FARP2: variants seen among roughly 807,000 people sequenced by gnomAD.
FARP2 encodes FERM, ARHGEF and pleckstrin domain-containing protein 2.
Under a neutral mutation model 130.5 loss-of-function variants are expected in FARP2, and 111 were observed. The ratio of observed to expected loss-of-function variants is 0.85; its 90% CI spans 0.73 to 1.00. The LOEUF (loss-of-function observed/expected upper bound fraction) is 1.00, where lower values mean the gene tolerates loss of function less well. FARP2 is among the 50% of genes least tolerant of loss of function. The pLI, the probability that FARP2 is intolerant of heterozygous loss-of-function variation, is 0.00. For missense variants in FARP2, 1,385 were observed against 1,346.3 expected (o/e 1.03, Z -0.45); for synonymous variants, 504 against 516.9 (o/e 0.98, Z 0.34).
chr2:241,367,368 G>A (rs940898394), intron 1 of FARP2, among the ~76,000 whole-genome samples: 1 of 152,146 alleles, frequency 6.6e-6, no homozygotes, highest in African/African-American at 2.4e-5. Context: ...TACAGTACAG[G>A]TCTTGACATT....
chr2:241,475,905 T>C lies in FARP2; in HGVS notation c.2180T>C (p.Leu727Pro), dbSNP rs745814115. 6.2e-7 allele frequency: 1 copy of C among 1,614,052 alleles called. No individual in the cohort carries two copies. The highest frequency in any genetic ancestry group is 2.2e-5 in the East Asian group (1 of 44,876). The change falls in exon 19 of 27, where the codon CTC (leucine) becomes CCC (proline). Residue 727 changes from leucine to proline, a missense_variant. Physicochemically the swap from Leu to Pro is moderately conservative, Grantham distance 98. Transcript: ENST00000264042. This position sits in a 1 kb window ranked among gnomAD's most constrained non-coding sequence, Gnocchi z 4.4. ...TEVTTTLQHI[L>P]IRLENLQKLT... is the part of the protein sequence containing the mutation. ...GTGACCACCACACTACAGCACATTC[T>C]CATCCGGCTGGAGAACCTGCAGAAG...
intron 24 of FARP2, among the ~76,000 whole-genome samples, chr2:241,492,436 G>A (rs1458328943): frequency 1.3e-5 from 2 of 152,188 alleles, no homozygotes; most frequent in East Asian, 1.9e-4. Flanking sequence ...CACCCTGAAG[G>A]CGGGAGGCTC....
At chr2:241,457,776 G>A (rs540682612) in intron 14 of FARP2, among the ~76,000 whole-genome samples, 4 of 151,532 alleles carry the variant, frequency 2.6e-5, no homozygotes, top group South Asian at 4.2e-4. Context: ...GGGTGCTAAG[G>A]GAGGGTGCAC....
chr2:241,437,232 C>G (rs1311752175), intron 12 of FARP2, among the ~76,000 whole-genome samples: 4 of 152,198 alleles, frequency 2.6e-5, no homozygotes, highest in Admixed American at 6.5e-5. Flanking sequence ...ATCTCTATGT[C>G]TTTGGCATGA....
At position 241,403,900 on chromosome 2, in the gene FARP2, G is replaced by A. The variant is rs754074961; in HGVS notation, c.256G>A (p.Gly86Arg). 6.2e-6 allele frequency: 10 copies of A among 1,613,114 alleles called. No homozygotes were observed. The highest frequency in any genetic ancestry group is 5.3e-5 in the African/African-American group (4 of 74,904). The change falls in exon 3 of 27, where the codon GGG (glycine) becomes AGG (arginine). Residue 86 changes from glycine (G) to arginine (R), a missense_variant. Physicochemically the swap from Gly to Arg is moderately radical, Grantham distance 125 (BLOSUM62 -2). Transcript: ENST00000264042. ...RLNLVECDYF[G>R]MEFQNTQSYW... The stretch of plus-strand genomic sequence containing the variant: ...AAACCTGGTAGAATGTGACTACTTC[G>A]GGATGGAGTTTCAAAATACTCAGTC...
chr2:241,357,781 G>T (rs1458655840), intron 1 of FARP2, among the ~76,000 whole-genome samples: 1 of 152,144 alleles, frequency 6.6e-6, no homozygotes, highest in African/African-American at 2.4e-5. Context: ...TTTACCTATA[G>T]GACTATCAGT....
chr2:241,375,470 C>T (rs1028830802), intron 2 of FARP2, among the ~76,000 whole-genome samples: 3 of 151,950 alleles, frequency 2.0e-5, no homozygotes, highest in Admixed American at 1.3e-4. Flanking sequence ...AAGAAAAAAG[C>T]ACACATTTGT....
intron 8 of FARP2, among the ~76,000 whole-genome samples, chr2:241,427,068 C>G (rs2062957244): frequency 6.6e-6 from 1 of 152,112 alleles, no homozygotes; most frequent in East Asian, 1.9e-4. Context: ...AACCCCATCT[C>G]TACTAAAAAT....
At chr2:241,379,842 G>A (rs773444511) in intron 2 of FARP2, among the ~76,000 whole-genome samples, 53 of 152,328 alleles carry the variant, frequency 3.5e-4, no homozygotes, top group Non-Finnish European at 6.8e-4. Context: ...GCTATTATGT[G>A]ACTCTGCCCT....
chr2:241,377,577 A>T (rs1167626350), intron 2 of FARP2, among the ~76,000 whole-genome samples: 4 of 152,138 alleles, frequency 2.6e-5, no homozygotes, highest in Non-Finnish European at 2.9e-5. Flanking sequence ...TCCTGACCTC[A>T]GGTGATCCAC....
chr2:241,360,157 A>G (rs927298992), intron 1 of FARP2, among the ~76,000 whole-genome samples: 19 of 152,104 alleles, frequency 1.2e-4, no homozygotes, highest in Non-Finnish European at 7.4e-5. Context: ...CTCTCTTAGG[A>G]ACTCCTGTAT....
intron 2 of FARP2, among the ~76,000 whole-genome samples, chr2:241,392,529 T>C (rs2061931661): frequency 1.3e-5 from 2 of 152,186 alleles, no homozygotes; most frequent in South Asian, 4.1e-4. Flanking sequence ...AAGCTCAGTT[T>C]TTGCCCACAT....
At chr2:241,431,799 T>TTTTTA (rs753984778) in intron 9 of FARP2, 25 bp downstream of exon 9, 2 of 901,558 alleles carry the variant, frequency 2.2e-6, no homozygotes, top group South Asian at 5.1e-5. Flanking sequence ...CAACTTTTTA[T>TTTTTA]TTTTATTTTA....
chr2:241,435,715 G>A (rs891412937), intron 11 of FARP2, among the ~76,000 whole-genome samples: 1 of 150,574 alleles, frequency 6.6e-6, no homozygotes, highest in Non-Finnish European at 1.5e-5. Context: ...GTTTCACTGT[G>A]TTAGCCAGGG....
intron 19 of FARP2, among the ~76,000 whole-genome samples, chr2:241,480,705 A>T (rs1185769429): frequency 1.3e-5 from 2 of 152,084 alleles, no homozygotes; most frequent in Non-Finnish European, 2.9e-5. Context: ...AAAAGAAAGG[A>T]AGAAAGAAAG....
intron 6 of FARP2, 51 bp downstream of exon 6, chr2:241,411,181 T>G (rs979310734): frequency 2.4e-6 from 3 of 1,252,890 alleles, no homozygotes; most frequent in African/African-American, 1.5e-5. Flanking sequence ...GGCACAGATA[T>G]ACCCGCACTC....
chr2:241,386,813 G>A (rs972102971), intron 2 of FARP2: 1 of 152,210 alleles, frequency 6.6e-6, no homozygotes, highest in African/African-American at 2.4e-5. Flanking sequence ...GTAAGTTCAA[G>A]CTTTTCTGTT....
chr2:241,364,621 A>G (rs923283605), intron 1 of FARP2, among the ~76,000 whole-genome samples: 1 of 152,242 alleles, frequency 6.6e-6, no homozygotes, highest in African/African-American at 2.4e-5. Flanking sequence ...ATGGAAATAT[A>G]GAAAGTCTTG....
At chr2:241,422,736 A>G (rs912998425) in intron 8 of FARP2, among the ~76,000 whole-genome samples, 1 of 152,182 alleles carries the variant, frequency 6.6e-6, no homozygotes, top group Non-Finnish European at 1.5e-5. Context: ...TGATAAAACA[A>G]CACAGGAGCT....
Sources: gnomAD v4.1 joint callset for allele counts (sites outside exome capture counted in the v4.1 genomes callset) on GRCh38, gnomAD v4.1.1 for gene constraint, Gnocchi (gnomAD v3.1) non-coding constraint, MANE v1.5 for transcripts, NCBI Gene and HGNC (gene_info 2026-07-23, HGNC 2026-07-21) for gene names.